The following CLCN7 variants were observed in gnomAD, a reference collection of about 807,000 sequenced individuals.
CLCN7 encodes the protein H(+)/Cl(-) exchange transporter 7.
A neutral mutation model predicts 102.1 loss-of-function variants in CLCN7; 60 were observed. That is an observed-to-expected ratio of 0.59 (90% CI 0.48 to 0.73). CLCN7 has a LOEUF of 0.73. Ranked by LOEUF, CLCN7 falls within the 30% of genes least tolerant of loss-of-function variation. The pLI, the probability that CLCN7 is intolerant of heterozygous loss-of-function variation, is 0.00. For missense variants in CLCN7, 962 were observed against 1,125.7 expected, an observed-to-expected ratio of 0.85 and a Z score of 2.08; for synonymous variants, 560 against 490.5, an observed-to-expected ratio of 1.14 and a Z score of -1.87.
chr16:1,448,804 A>G, intron 19 of CLCN7, 38 bp from the exon 20 acceptor site: 1 of 1,604,374 alleles, frequency 6.2e-7, no homozygotes. Flanking sequence ...TGAGGAGTCC[A>G]CACCCACCCC....
chr16:1,463,134 A>G (rs1362166400), intron 2 of CLCN7, among the ~76,000 whole-genome samples: 3 of 151,808 alleles, frequency 2.0e-5, no homozygotes, highest in South Asian at 2.1e-4. Flanking sequence ...GTCTCAAAAA[A>G]AGAGAGAGAG....
In CLCN7 at chr16:1,449,325, G is replaced by C. The variant is rs762251819; in HGVS notation, c.1620C>G (p.Ile540Met). The change falls in exon 18 of 25, where the codon ATC becomes ATG. Residue 540 changes from isoleucine (I) to methionine (M), a missense_variant and splice_region_variant. This residue lies in a region of CLCN7 where 799 missense variants were observed against 988.0 expected (regional missense o/e 0.81). Transcript: ENST00000382745. ...ISLSYLTGAA[I>M]WADPGKYALM... ...GGGCGTATTTGCCGGGGTCCGCCCAGATCTGTGGGAGGTGACACGGAGGAG... is the reference window on the plus strand; with the variant it reads ...GGGCGTATTTGCCGGGGTCCGCCCACATCTGTGGGAGGTGACACGGAGGAG... The C allele has an allele frequency of 1.3e-6, 2 of 1,584,126 alleles. No individual in the cohort carries two copies. Among genetic ancestry groups the C allele is most frequent in the East Asian group, 2.3e-5 (1 of 43,384 alleles).
At chr16:1,460,278 G>A (rs1017218296) in intron 6 of CLCN7, 140 bp downstream of exon 6, 10 of 698,946 alleles carry the variant, frequency 1.4e-5, no homozygotes, top group Non-Finnish European at 2.3e-5. Context: ...TTGTGAGTCT[G>A]GACCACGTGA....
At chr16:1,447,221 C>T in intron 23 of CLCN7, 135 bp from the exon 24 acceptor site, 1 of 1,148,842 alleles carries the variant, frequency 8.7e-7, no homozygotes, top group African/African-American at 1.5e-5. Flanking sequence ...CTGGCCAGCC[C>T]CCTCAGCCCC....
Position 1,447,509 on chromosome 16 carries a change from G to A in CLCN7, c.2133C>T (p.Phe711=), listed in dbSNP as rs1223038425. The A allele has an allele frequency of 6.4e-7, 1 of 1,555,140 alleles. No individual in the cohort carries two copies. The highest frequency in any genetic ancestry group is 2.4e-5 in the East Asian group (1 of 41,176). The part of the protein sequence containing the change: ...LVQRRLRLKD[F]RDAYPRFPPI... Reference sequence around the variant, plus strand: ...GTGGGAAGCGCGGGTAGGCGTCTCGGAAGTCCTTCAGCCTCAGGCGCCGCT... The same window carrying A: ...GTGGGAAGCGCGGGTAGGCGTCTCGAAAGTCCTTCAGCCTCAGGCGCCGCT... Residue 711 remains phenylalanine, a synonymous_variant, in exon 23 of 25, where the codon TTC becomes TTT. Transcript: ENST00000382745.
intron 18 of CLCN7, 68 bp downstream of exon 18, chr16:1,449,208 A>G: frequency 6.4e-7 from 1 of 1,571,134 alleles, no homozygotes; most frequent in South Asian, 1.2e-5. Context: ...CTAGCCCCGC[A>G]AGGACAGCCA....
rs774263442 is a variant in CLCN7 at position 1,447,375 on chromosome 16, C to G, written c.2250+17G>C. On this transcript the variant is annotated intron_variant, in intron 23 of 24. Transcript: ENST00000382745. ...TCAGTCCCAGGCCCCACGCCCATGC[C>G]CATGCCCTGCACATGCCTGGGGCAC... 22 of 1,544,132 alleles carry G rather than the reference C, an allele frequency of 1.4e-5. No homozygotes were observed. Among genetic ancestry groups the G allele is most frequent in the Non-Finnish European group, 1.8e-5 (21 of 1,143,808 alleles).
intron 2 of CLCN7, among the ~76,000 whole-genome samples, chr16:1,462,304 G>T (rs1186565669): frequency 1.3e-5 from 2 of 150,738 alleles, no homozygotes; most frequent in African/African-American, 4.9e-5. Flanking sequence ...AGAGGCAAGA[G>T]GATCAACTGA....
intron 2 of CLCN7, among the ~76,000 whole-genome samples, chr16:1,464,260 G>C (rs1309595035): frequency 6.6e-6 from 1 of 152,164 alleles, no homozygotes; most frequent in East Asian, 1.9e-4. Context: ...TAACCAACAC[G>C]CGTGTGGCCG....
Position 1,446,359 on chromosome 16 carries a change from C to G in CLCN7, c.*272G>C, listed in dbSNP as rs1280345881. 1 of 702,246 alleles carries G rather than the reference C, an allele frequency of 1.4e-6. No individual in the cohort carries two copies. The highest frequency in any genetic ancestry group is 2.6e-6 in the Non-Finnish European group (1 of 384,740). The allele number at this position is 702,246 out of a possible 1,614,324, so 43.5% of individuals were successfully genotyped here. A position where few individuals can be genotyped will look rare whatever the true frequency, so the allele number is the denominator to read the frequency against. Reference sequence around the variant, plus strand: ...GCCCGGTAGGGAGGTCACACACACACAGCTGATCCCTGGAGGTAAAGAAAC... The same window carrying G: ...GCCCGGTAGGGAGGTCACACACACAGAGCTGATCCCTGGAGGTAAAGAAAC... On this transcript the variant is annotated 3_prime_UTR_variant, in exon 25 of 25. Transcript: ENST00000382745.
intron 1 of CLCN7, among the ~76,000 whole-genome samples, chr16:1,467,281 T>C (rs1182803632): frequency 1.3e-5 from 2 of 152,064 alleles, no homozygotes; most frequent in East Asian, 1.9e-4. Flanking sequence ...AGTGCACAGG[T>C]CCTGCTGGAC....
intron 2 of CLCN7, among the ~76,000 whole-genome samples, chr16:1,463,332 T>C (rs2038964039): frequency 6.6e-6 from 1 of 152,174 alleles, no homozygotes; most frequent in Non-Finnish European, 1.5e-5. Flanking sequence ...ACAGATTAGC[T>C]GAACCTCAGC....
At chr16:1,451,804 G>C in intron 15 of CLCN7, 88 bp from the exon 16 acceptor site, 1 of 1,079,902 alleles carries the variant, frequency 9.3e-7, no homozygotes, top group Non-Finnish European at 1.4e-6. Context: ...GAGAGGCCGT[G>C]TACCCTGTGC....
At chr16:1,456,838 CAA>C (rs34329111) in intron 9 of CLCN7, among the ~76,000 whole-genome samples, 23 of 107,820 alleles carry the variant, frequency 2.1e-4, no homozygotes, top group Admixed American at 2.9e-4. Context: ...GACTCCATCT[CAA>C]AAAAAAAAAA....
chr16:1,447,328 T>C, intron 23 of CLCN7, 64 bp downstream of exon 23: 1 of 1,435,196 alleles, frequency 7.0e-7, no homozygotes, highest in Non-Finnish European at 9.4e-7. Flanking sequence ...TCCCCGAGGC[T>C]CTGGACCCCA....
chr16:1,448,996 G>A lies in CLCN7; in HGVS notation c.1767C>T (p.Thr589=), dbSNP rs369837981. The change falls in exon 19 of 25, where the codon ACC becomes ACT. Residue 589 remains threonine, a synonymous_variant. Coordinates refer to ENST00000382745, the MANE Select transcript of CLCN7 (RefSeq NM_001287.6). ...YGFPIMLVLM[T]AKIVGDVFIE... Reference sequence around the variant, plus strand: ...TGAAGACGTCGCCCACGATCTTGGCGGTCATGAGCACCAGCATGATGGGGA... The same window carrying A: ...TGAAGACGTCGCCCACGATCTTGGCAGTCATGAGCACCAGCATGATGGGGA... 2.4e-5 allele frequency: 39 copies of A among 1,612,662 alleles called. No homozygotes were observed. Among genetic ancestry groups the A allele is most frequent in the East Asian group, 4.5e-5 (2 of 44,886 alleles).
Position 1,450,477 on chromosome 16 carries a change from T to A in CLCN7, c.1617+20A>T. On this transcript the variant is annotated intron_variant, in intron 17 of 24. Coordinates refer to ENST00000382745, the MANE Select transcript of CLCN7 (RefSeq NM_001287.6). Reference sequence around the variant, plus strand: ...GGCTCAGCTGCAGGGCCCCACAGCCTCCCCTCCGGCCCCACTCACCGCCGC... The same window carrying A: ...GGCTCAGCTGCAGGGCCCCACAGCCACCCCTCCGGCCCCACTCACCGCCGC... The A allele has an allele frequency of 6.3e-7, 1 of 1,579,732 alleles. No homozygotes were observed. The highest frequency in any genetic ancestry group is 8.6e-7 in the Non-Finnish European group (1 of 1,163,704).
chr16:1,449,648 G>A (rs1009464669), intron 17 of CLCN7: 6 of 474,694 alleles, frequency 1.3e-5, no homozygotes, highest in African/African-American at 7.8e-5. Context: ...CGGCACACAC[G>A]ACACAGAGAG....
At chr16:1,472,554 G>C (rs2039092120) in intron 1 of CLCN7, 1 of 152,004 alleles carries the variant, frequency 6.6e-6, no homozygotes, top group Admixed American at 6.6e-5. Context: ...AAGGTTAAGA[G>C]ATCAACAGAT....
Sources: allele counts gnomAD v4.1 joint callset (sites outside exome capture counted in the v4.1 genomes callset), GRCh38; gene constraint gnomAD v4.1.1; regional missense constraint gnomAD v4.1.1; transcripts MANE v1.5; gene names NCBI Gene and HGNC (gene_info 2026-07-23, HGNC 2026-07-21).